VMP1: variants seen among roughly 807,000 people sequenced by gnomAD.
VMP1 encodes the protein vacuole membrane protein 1, also known as ectopic P-granules autophagy protein 3 homolog.
Under a neutral mutation model 56.0 loss-of-function variants are expected in VMP1, and 11 were observed. That is an observed-to-expected ratio of 0.20 (90% CI 0.12 to 0.32). The LOEUF is 0.32. VMP1 is among the 10% of genes least tolerant of loss of function. The pLI, the probability that VMP1 is intolerant of heterozygous loss-of-function variation, is 1.00. For synonymous variants in VMP1, 149 were observed against 165.0 expected (o/e 0.90, Z 0.74); for missense variants, 296 against 490.3 (o/e 0.60, Z 3.74).
At chr17:59,750,077 C>A (rs558962136) in intron 5 of VMP1, among the ~76,000 whole-genome samples, 2 of 152,270 alleles carry the variant, frequency 1.3e-5, no homozygotes, top group African/African-American at 4.8e-5. Flanking sequence ...ATTGGCAAAA[C>A]AGTCTGTTCC....
At chr17:59,785,355 A>G (rs1044217086) in intron 7 of VMP1, among the ~76,000 whole-genome samples, 7 of 152,222 alleles carry the variant, frequency 4.6e-5, no homozygotes, top group Non-Finnish European at 7.3e-5. Flanking sequence ...TCAGAAATGT[A>G]AAAGTCTTAA....
chr17:59,801,089 AAAAT>A lies in VMP1; in HGVS notation c.715-7705_715-7702del, dbSNP rs1292588756. 1.7e-4 allele frequency among the ~76,000 whole-genome samples: 19 copies of A among 114,408 alleles called. 1 individual carries two copies. Among genetic ancestry groups the A allele is most frequent in the African/African-American group, 4.8e-4 (11 of 22,792 alleles). 75.1% of individuals were successfully genotyped at this position (114,408 alleles called of 152,430 possible). On this transcript the variant is annotated intron_variant, in intron 7 of 11. Transcript: ENST00000262291. ...AGCAAGACTCCATCTCGAAAAAAAA[AAAAT>A]ATATATATATATATATATATGTGTG...
chr17:59,770,129 C>T (rs2036372427), intron 6 of VMP1, among the ~76,000 whole-genome samples: 1 of 152,068 alleles, frequency 6.6e-6, no homozygotes. Flanking sequence ...CAGTATACAG[C>T]CCTTGATTTC....
intron 7 of VMP1, among the ~76,000 whole-genome samples, chr17:59,777,436 G>A (rs2036657666): frequency 6.6e-6 from 1 of 151,418 alleles, no homozygotes; most frequent in Non-Finnish European, 1.5e-5. Flanking sequence ...GCCCTTCTGA[G>A]TCCTCTTTAT....
In VMP1 at chr17:59,745,386, G is replaced by A. The variant is rs79929040; in HGVS notation, c.414+6439G>A. ...AGTGTAAAAATTTTAATTAATAAGC[G>A]TAAACTATTTACTTGTGAACTTTGG... On this transcript the variant is annotated intron_variant, in intron 5 of 11. Coordinates refer to ENST00000262291, the MANE Select transcript of VMP1 (RefSeq NM_030938.5). Among the ~76,000 whole-genome samples, 568 of 152,196 alleles carry A rather than the reference G, an allele frequency of 3.7e-3. 7 individuals are homozygous for A. The highest frequency in any genetic ancestry group is 0.022 in the East Asian group (116 of 5,192).
At chr17:59,758,697 C>T (rs1455330500) in intron 5 of VMP1, among the ~76,000 whole-genome samples, 4 of 151,272 alleles carry the variant, frequency 2.6e-5, no homozygotes, top group Non-Finnish European at 4.4e-5. Flanking sequence ...CCAGGTGCGC[C>T]GGCTCACACC....
At chr17:59,830,078 G>A (rs2038761300) in intron 10 of VMP1, among the ~76,000 whole-genome samples, 1 of 152,148 alleles carries the variant, frequency 6.6e-6, no homozygotes, top group African/African-American at 2.4e-5. Flanking sequence ...TATAACTCTG[G>A]GCACAGGTTT....
At chr17:59,736,264 G>C (rs191242342) in intron 3 of VMP1, among the ~76,000 whole-genome samples, 1 of 150,056 alleles carries the variant, frequency 6.7e-6, no homozygotes, top group African/African-American at 2.5e-5. Flanking sequence ...TTAGCCGGGC[G>C]TGGTGGCATG....
chr17:59,734,763 TA>T (rs1301096780), intron 2 of VMP1, among the ~76,000 whole-genome samples: 1 of 152,026 alleles, frequency 6.6e-6, no homozygotes, highest in African/African-American at 2.4e-5. Context: ...TTTAAAACAA[TA>T]AAACTTATGA....
intron 2 of VMP1, among the ~76,000 whole-genome samples, chr17:59,731,992 G>A (rs2034842689): frequency 6.6e-6 from 1 of 152,072 alleles, no homozygotes; most frequent in Admixed American, 6.6e-5. Context: ...TTTGACTCCT[G>A]TTTATACAGT....
At chr17:59,757,574 C>T (rs936492136) in intron 5 of VMP1, among the ~76,000 whole-genome samples, 3 of 152,080 alleles carry the variant, frequency 2.0e-5, no homozygotes, top group Admixed American at 6.6e-5. Flanking sequence ...TCTGCTCTTA[C>T]TAGAAATCTT....
chr17:59,744,530 C>A (rs557320763), intron 5 of VMP1, among the ~76,000 whole-genome samples: 60 of 149,328 alleles, frequency 4.0e-4, no homozygotes, highest in Non-Finnish European at 7.1e-4. Flanking sequence ...TGGCTGATGC[C>A]TGTAGTCTCA....
intron 10 of VMP1, among the ~76,000 whole-genome samples, chr17:59,830,466 G>A (rs944858542): frequency 6.6e-6 from 1 of 152,024 alleles, no homozygotes; most frequent in African/African-American, 2.4e-5. Context: ...AGATTCTTTA[G>A]ACTTTGTGAT....
In VMP1 at chr17:59,739,525, C is replaced by T. The variant is rs1469345614; in HGVS notation, c.414+578C>T. ...AGATCATGAGGTCTGGAGATCGAGACCATCCTGGCTAACATGGTGAAACCC... is the reference window on the plus strand; with the variant it reads ...AGATCATGAGGTCTGGAGATCGAGATCATCCTGGCTAACATGGTGAAACCC... On this transcript the variant is annotated intron_variant, in intron 5 of 11. Transcript: ENST00000262291. 6.6e-5 allele frequency among the ~76,000 whole-genome samples: 10 copies of T among 151,550 alleles called. No individual in the cohort carries two copies. The South Asian group carries it at 1.5e-3, about 22-fold the overall frequency.
At chr17:59,730,007 C>T (rs1427845293) in intron 1 of VMP1, 1 of 152,014 alleles carries the variant, frequency 6.6e-6, no homozygotes, top group Non-Finnish European at 1.5e-5. Flanking sequence ...TTACTATAAC[C>T]ATCCTAACAG....
chr17:59,781,295 G>A (rs2036814151), intron 7 of VMP1, among the ~76,000 whole-genome samples: 1 of 152,066 alleles, frequency 6.6e-6, no homozygotes, highest in South Asian at 2.1e-4. Context: ...TTAGTAATAA[G>A]ATTCTTACAT....
At chr17:59,807,381 T>C (rs1225353081) in intron 7 of VMP1, among the ~76,000 whole-genome samples, 1 of 151,836 alleles carries the variant, frequency 6.6e-6, no homozygotes, top group Non-Finnish European at 1.5e-5. Flanking sequence ...GTATTTTTAG[T>C]AGATACAAGG....
chr17:59,803,656 T>C (rs2037748514), intron 7 of VMP1, among the ~76,000 whole-genome samples: 1 of 152,172 alleles, frequency 6.6e-6, no homozygotes, highest in Non-Finnish European at 1.5e-5. Context: ...TGTTTGTTTT[T>C]AGTTTATGGA....
At chr17:59,755,923 G>A (rs1365337116) in intron 5 of VMP1, among the ~76,000 whole-genome samples, 1 of 151,976 alleles carries the variant, frequency 6.6e-6, no homozygotes, top group Non-Finnish European at 1.5e-5. Context: ...TCTTAGTAGA[G>A]ACGGAATCTC....
Sources: allele counts gnomAD v4.1 joint callset (sites outside exome capture counted in the v4.1 genomes callset), GRCh38; gene constraint gnomAD v4.1.1; transcripts MANE v1.5; gene names NCBI Gene and HGNC (gene_info 2026-07-23, HGNC 2026-07-21).